Variants in SPOCK1 observed in about 807,000 individuals in gnomAD.
The protein encoded by SPOCK1 is testican-1.
A neutral mutation model predicts 55.3 loss-of-function variants in SPOCK1; 23 were observed. The observed-to-expected ratio is 0.42, with a 90% CI of 0.30 to 0.59. The LOEUF (loss-of-function observed/expected upper bound fraction) is 0.59. Ranked by LOEUF, SPOCK1 falls within the 20% of genes least tolerant of loss-of-function variation. SPOCK1 has a pLI of 0.22. For synonymous variants in SPOCK1, 226 were observed against 221.0 expected, an observed-to-expected ratio of 1.02 and a Z score of -0.20; for missense variants, 499 against 552.5, an observed-to-expected ratio of 0.90 and a Z score of 0.97.
At chr5:137,441,695 T>C (rs570250520) in intron 2 of SPOCK1, among the ~76,000 whole-genome samples, 6 of 152,310 alleles carry the variant, frequency 3.9e-5, no homozygotes, top group East Asian at 3.9e-4. Flanking sequence ...CACCAATCCA[T>C]TGAGCATGGG....
intron 3 of SPOCK1, among the ~76,000 whole-genome samples, chr5:137,178,690 C>T (rs1754907708): frequency 6.6e-6 from 1 of 152,186 alleles, no homozygotes; most frequent in African/African-American, 2.4e-5. Context: ...TCACACCAGT[C>T]CTGCACCCTC....
chr5:137,476,003 G>C (rs1328461425), intron 2 of SPOCK1, among the ~76,000 whole-genome samples: 2 of 150,364 alleles, frequency 1.3e-5, no homozygotes, highest in African/African-American at 4.9e-5. Flanking sequence ...TCTACCTTGG[G>C]GTAAAATGTT....
intron 2 of SPOCK1, among the ~76,000 whole-genome samples, chr5:137,415,718 A>G (rs12517471): frequency 0.16 from 24,723 of 152,224 alleles, 2,245 homozygotes; most frequent in Admixed American, 0.28. Flanking sequence ...TTCTTAACCA[A>G]GAGTCTGGTG....
chr5:137,452,671 T>A (rs1753279173), intron 2 of SPOCK1, among the ~76,000 whole-genome samples: 1 of 152,196 alleles, frequency 6.6e-6, no homozygotes, highest in Admixed American at 6.5e-5. Context: ...TCCCAAAGCA[T>A]AGTTATGACT....
Position 136,977,408 on chromosome 5 carries a change from T to G in SPOCK1, c.*1246A>C. 6.3e-6 allele frequency: 1 copy of G among 159,412 alleles called. No homozygotes were observed. Among genetic ancestry groups the G allele is most frequent in the Non-Finnish European group, 1.4e-5 (1 of 73,000 alleles). The allele number at this position is 159,412 out of a possible 1,614,324, so 9.9% of individuals were successfully genotyped here. A position where few individuals can be genotyped will look rare whatever the true frequency, so the allele number is the denominator to read the frequency against. ...TTACGATGTTCTTTGTAGGCCTCCA[T>G]TTGGGATTGAGTGGTTAAAAAAAAA... On this transcript the variant is annotated 3_prime_UTR_variant, in exon 11 of 11. Transcript: ENST00000394945.
intron 2 of SPOCK1, among the ~76,000 whole-genome samples, chr5:137,336,530 C>G (rs180911651): frequency 2.6e-4 from 40 of 152,306 alleles, no homozygotes; most frequent in African/African-American, 8.7e-4. Flanking sequence ...GCAGGTAAAT[C>G]CAGGCTCAGG....
intron 4 of SPOCK1, among the ~76,000 whole-genome samples, chr5:137,139,564 G>A (rs1391725691): frequency 1.1e-4 from 10 of 90,010 alleles, no homozygotes; most frequent in Admixed American, 1.1e-3. Flanking sequence ...TCTCGGTGGG[G>A]AGCCGATTTA....
At chr5:137,499,005 T>TG (rs1473018254) in intron 1 of SPOCK1, among the ~76,000 whole-genome samples, 174 bp downstream of exon 1, 20 of 150,928 alleles carry the variant, frequency 1.3e-4, no homozygotes, top group Non-Finnish European at 2.7e-4. Flanking sequence ...TGCCAGCAGC[T>TG]GGGGGTCCCC....
Position 136,996,140 on chromosome 5 carries a change from A to G in SPOCK1, c.590-3540T>C, listed in dbSNP as rs186796508. Among the ~76,000 whole-genome samples the G allele has an allele frequency of 3.2e-3, 491 of 152,312 alleles. 5 individuals carry two copies. The highest frequency in any genetic ancestry group is 0.011 in the African/African-American group (474 of 41,578). ...TTTAAGGTGCTCATCATCGCCCCCA[A>G]TAAAGGTGTGAACAGGGGACTGAAG... On this transcript the variant is annotated intron_variant, in intron 6 of 10. Transcript: ENST00000394945.
chr5:137,266,753 T>A (rs1045928038), intron 3 of SPOCK1, among the ~76,000 whole-genome samples: 9 of 152,000 alleles, frequency 5.9e-5, no homozygotes, highest in Admixed American at 2.0e-4. Flanking sequence ...TCACTTTTTT[T>A]TTAAAACAAA....
intron 2 of SPOCK1, among the ~76,000 whole-genome samples, chr5:137,302,342 G>A (rs1757609352): frequency 6.6e-6 from 1 of 151,802 alleles, no homozygotes. Context: ...GGCCAAGGCG[G>A]GCAGATCACA....
chr5:137,426,739 G>A (rs1051048578), intron 2 of SPOCK1, among the ~76,000 whole-genome samples: 6 of 152,138 alleles, frequency 3.9e-5, no homozygotes, highest in African/African-American at 1.4e-4. Flanking sequence ...ATTTCTGGGA[G>A]TCCCCAGAAG....
intron 2 of SPOCK1, among the ~76,000 whole-genome samples, chr5:137,423,392 C>T (rs1346154260): frequency 2.0e-5 from 3 of 152,202 alleles, no homozygotes; most frequent in Admixed American, 1.3e-4. Flanking sequence ...GTGGAGTCTA[C>T]AGAGGCAGGC....
intron 6 of SPOCK1, among the ~76,000 whole-genome samples, chr5:137,028,678 CA>C (rs1751721641): frequency 6.6e-6 from 1 of 152,100 alleles, no homozygotes; most frequent in Non-Finnish European, 1.5e-5. Flanking sequence ...GAGACTGCCT[CA>C]GAGAAGTGAA....
chr5:137,469,017 A>G (rs7716772), intron 2 of SPOCK1, among the ~76,000 whole-genome samples: 3,332 of 152,310 alleles, frequency 0.022, 51 homozygotes, highest in Middle Eastern at 0.051. Context: ...AATAGTTTTG[A>G]TAAACTGTAG....
At chr5:137,460,028 G>T (rs1201713464) in intron 2 of SPOCK1, among the ~76,000 whole-genome samples, 5 of 152,210 alleles carry the variant, frequency 3.3e-5, no homozygotes, top group Non-Finnish European at 7.3e-5. Flanking sequence ...TGTAGGAGAA[G>T]TATGAGCGAG....
chr5:137,202,833 C>T (rs1755450432), intron 3 of SPOCK1, among the ~76,000 whole-genome samples: 1 of 152,204 alleles, frequency 6.6e-6, no homozygotes, highest in Non-Finnish European at 1.5e-5. Flanking sequence ...CACTAGCATC[C>T]ATATTCATTG....
chr5:137,110,568 G>A lies in SPOCK1; in HGVS notation c.474+1867C>T, dbSNP rs142679289. Among the ~76,000 whole-genome samples the A allele has an allele frequency of 4.7e-4, 71 of 152,314 alleles. No individual in the cohort carries two copies. The East Asian group carries it at 0.01, about 22-fold the overall frequency. On this transcript the variant is annotated intron_variant, in intron 5 of 10. Coordinates refer to ENST00000394945, the MANE Select transcript of SPOCK1 (RefSeq NM_004598.4). ...GGCTAGGGTGTCAAAAGCAAGTCCT[G>A]TTACTATAAACTATCAAAAATGTTG... is the stretch of plus-strand genomic sequence containing the variant.
At chr5:137,499,149 T>A (rs957134917) in intron 1 of SPOCK1, 30 bp downstream of exon 1, 1 of 151,840 alleles carries the variant, frequency 6.6e-6, no homozygotes, top group Non-Finnish European at 1.5e-5. Context: ...CTACTCCAAG[T>A]TGGGGCGCGG....
Sources: allele counts gnomAD v4.1 joint callset (sites outside exome capture counted in the v4.1 genomes callset), GRCh38; gene constraint gnomAD v4.1.1; transcripts MANE v1.5; gene names NCBI Gene and HGNC (gene_info 2026-07-23, HGNC 2026-07-21).